Variants in SLC16A1 observed in about 807,000 individuals in gnomAD.
SLC16A1 encodes the protein monocarboxylate transporter 1.
A neutral mutation model predicts 32.2 loss-of-function variants in SLC16A1; 11 were observed. The ratio of observed to expected loss-of-function variants is 0.34; its 90% CI spans 0.21 to 0.56. The LOEUF (loss-of-function observed/expected upper bound fraction) is 0.56, where lower values mean the gene tolerates loss of function less well. Among genes scored for constraint, SLC16A1 ranks in the 20% least tolerant of loss-of-function variants. The pLI is 0.87. For synonymous variants in SLC16A1, 231 were observed against 226.8 expected, an observed-to-expected ratio of 1.02 and a Z score of -0.17; for missense variants, 435 against 615.0, an observed-to-expected ratio of 0.71 and a Z score of 3.10.
chr1:112,918,304 T>C (rs1392839442), intron 3 of SLC16A1, among the ~76,000 whole-genome samples: 1 of 152,116 alleles, frequency 6.6e-6, no homozygotes, highest in Non-Finnish European at 1.5e-5. Flanking sequence ...GTCACTGTTG[T>C]GAGGAAGAAA....
chr1:112,932,793 C>CA (rs34232032), intron 1 of SLC16A1, among the ~76,000 whole-genome samples: 20,645 of 56,744 alleles, frequency 0.36, 4,424 homozygotes, highest in East Asian at 0.69. Context: ...GACTCCGTCG[C>CA]AAAAAAAAAA....
chr1:112,931,376 T>C (rs1256776817), intron 1 of SLC16A1, among the ~76,000 whole-genome samples: 1 of 152,108 alleles, frequency 6.6e-6, no homozygotes, highest in African/African-American at 2.4e-5. Context: ...CCAGGCGCAG[T>C]GGCTCACACC....
At chr1:112,929,015 T>TTG in intron 2 of SLC16A1, 77 bp downstream of exon 2, 1 of 1,038,982 alleles carries the variant, frequency 9.6e-7, no homozygotes, top group Non-Finnish European at 1.4e-6. Context: ...GACTTTTTTT[T>TTG]TTTTTTAAAG....
chr1:112,921,289 GATA>G (rs1489697193), intron 3 of SLC16A1, among the ~76,000 whole-genome samples: 2 of 152,140 alleles, frequency 1.3e-5, no homozygotes, highest in Non-Finnish European at 2.9e-5. Context: ...ATTGTGGTGG[GATA>G]ATAAGTGAGT....
At chr1:112,947,509 A>C (rs1002497377) in intron 1 of SLC16A1, among the ~76,000 whole-genome samples, 11 of 152,236 alleles carry the variant, frequency 7.2e-5, no homozygotes, top group Non-Finnish European at 1.2e-4. Context: ...CAAAGAGCTA[A>C]ATTGAACTAT....
intron 1 of SLC16A1, among the ~76,000 whole-genome samples, chr1:112,936,279 GGGT>G (rs1649300779): frequency 6.6e-6 from 1 of 151,904 alleles, no homozygotes; most frequent in Non-Finnish European, 1.5e-5. Context: ...AGGCCGAGGC[GGGT>G]GGATCACTTG....
At chr1:112,933,892 T>C (rs922965533) in intron 1 of SLC16A1, among the ~76,000 whole-genome samples, 1 of 152,244 alleles carries the variant, frequency 6.6e-6, no homozygotes, top group South Asian at 2.1e-4. Flanking sequence ...AGGATTTATA[T>C]AAAAAATTCT....
At chr1:112,951,382 GA>G (rs1202879794) in intron 1 of SLC16A1, among the ~76,000 whole-genome samples, 1 of 150,618 alleles carries the variant, frequency 6.6e-6, no homozygotes, top group Admixed American at 6.6e-5. Context: ...AGAATCAGAA[GA>G]AAAAAACTAG....
chr1:112,922,393 T>C, intron 2 of SLC16A1: 2 of 486,166 alleles, frequency 4.1e-6, no homozygotes, highest in Non-Finnish European at 7.4e-6. Context: ...ATCCTTAATC[T>C]TTCTCTTTTA....
At position 112,917,596 on chromosome 1, in the gene SLC16A1, A is replaced by G; in HGVS notation, c.810T>C (p.Asn270=). ...HRGFLLYLSG[N]VIMFFGLFAP... is the part of the protein sequence containing the mutation. ...CAAAGAGTCCAAAAAACATGATCAC[A>G]TTTCCAGAGAGGTATAGCAAAAAGC... The change falls in exon 4 of 5, where the codon AAT becomes AAC. Residue 270 remains asparagine (N), a synonymous_variant. Coordinates refer to ENST00000369626, the MANE Select transcript of SLC16A1 (RefSeq NM_003051.4). The surrounding 1 kb of genome is among the most constrained non-coding windows in gnomAD (Gnocchi z 4.1). 1.2e-6 allele frequency: 2 copies of G among 1,614,166 alleles called. No homozygotes were observed. Among genetic ancestry groups the G allele is most frequent in the Middle Eastern group, 1.6e-4 (1 of 6,062 alleles).
At chr1:112,949,772 T>C (rs998653523) in intron 1 of SLC16A1, among the ~76,000 whole-genome samples, 1 of 152,076 alleles carries the variant, frequency 6.6e-6, no homozygotes, top group African/African-American at 2.4e-5. Context: ...ACTCCTGGGC[T>C]CAAGTGATCC....
At chr1:112,919,253 C>T (rs1038539887) in intron 3 of SLC16A1, among the ~76,000 whole-genome samples, 1 of 151,894 alleles carries the variant, frequency 6.6e-6, no homozygotes, top group Non-Finnish European at 1.5e-5. Flanking sequence ...CCAGGATGGT[C>T]TCGATCTCCT....
At position 112,917,983 on chromosome 1, in the gene SLC16A1, C is replaced by G. The variant is rs1208043467; in HGVS notation, c.423G>C (p.Lys141Asn). 2.5e-6 allele frequency: 4 copies of G among 1,593,056 alleles called. No homozygotes were observed. The highest frequency in any genetic ancestry group is 3.4e-6 in the Non-Finnish European group (4 of 1,175,108). ...CCAGTCCGTTGGCCAATGGTCGCCTCTTGTAGAAATACTTGCCAATCATGG... is the reference window on the plus strand; with the variant it reads ...CCAGTCCGTTGGCCAATGGTCGCCTGTTGTAGAAATACTTGCCAATCATGG... The part of the protein sequence containing the change: ...ALTMIGKYFY[K>N]RRPLANGLAM... Residue 141 changes from lysine to asparagine, a missense_variant, in exon 4 of 5, where the codon AAG (lysine) becomes AAC (asparagine). By Grantham distance (94) the Lys-to-Asn change is moderately conservative. Around this residue, in one of 2 missense-constraint regions of SLC16A1, gnomAD observed 324 missense variants for 500.3 expected, o/e 0.65. Transcript: ENST00000369626. The surrounding 1 kb of genome is among the most constrained non-coding windows in gnomAD (Gnocchi z 4.1).
At chr1:112,947,266 C>T (rs1403372191) in intron 1 of SLC16A1, among the ~76,000 whole-genome samples, 5 of 152,128 alleles carry the variant, frequency 3.3e-5, no homozygotes, top group African/African-American at 1.2e-4. Flanking sequence ...CTACCCTGTT[C>T]CAGAATTTGA....
intron 1 of SLC16A1, among the ~76,000 whole-genome samples, chr1:112,932,055 CT>C (rs1157963572): frequency 6.6e-6 from 1 of 152,174 alleles, no homozygotes; most frequent in African/African-American, 2.4e-5. Context: ...CTTCCAACCC[CT>C]ATGAACACTT....
chr1:112,930,738 T>C (rs986576580), intron 1 of SLC16A1, among the ~76,000 whole-genome samples: 89 of 151,704 alleles, frequency 5.9e-4, no homozygotes, highest in African/African-American at 2.1e-3. Flanking sequence ...TTTTTTTTTT[T>C]TTTTGAGACA....
intron 2 of SLC16A1, chr1:112,924,161 G>A (rs962551815): frequency 5.5e-6 from 8 of 1,463,098 alleles, no homozygotes; most frequent in Non-Finnish European, 7.7e-6. Flanking sequence ...TCTGGTGGAT[G>A]TACCACCACT....
In SLC16A1 at chr1:112,929,203, A is replaced by G; in HGVS notation, c.106T>C (p.Phe36Leu). 6.2e-7 allele frequency: 1 copy of G among 1,614,152 alleles called. No homozygotes were observed. Residue 36 changes from phenylalanine (F) to leucine (L), a missense_variant, in exon 2 of 5, where the codon TTT becomes CTT. By Grantham distance (22) the Phe-to-Leu change is conservative. Coordinates refer to ENST00000369626, the MANE Select transcript of SLC16A1 (RefSeq NM_003051.4). ...AFISIGFSYA[F>L]PKSITVFFKE... ...AAGAAGACAGTAATTGATTTGGGAA[A>G]TGCATAAGAGAAGCCGATGGAAATG...
At chr1:112,949,787 A>C (rs1649826413) in intron 1 of SLC16A1, among the ~76,000 whole-genome samples, 1 of 151,858 alleles carries the variant, frequency 6.6e-6, no homozygotes, top group Non-Finnish European at 1.5e-5. Flanking sequence ...TGATCCACCC[A>C]CCTCAGCCTC....
Sources: allele counts gnomAD v4.1 joint callset (sites outside exome capture counted in the v4.1 genomes callset), GRCh38; gene constraint gnomAD v4.1.1; regional missense constraint gnomAD v4.1.1; non-coding constraint Gnocchi (gnomAD v3.1); transcripts MANE v1.5; gene names NCBI Gene and HGNC (gene_info 2026-07-23, HGNC 2026-07-21).